The following CCSER1 variants were observed in gnomAD, a reference collection of about 807,000 sequenced individuals.
CCSER1 encodes the protein serine-rich coiled-coil domain-containing protein 1.
In CCSER1, 41 loss-of-function variants were observed where a neutral mutation model predicts 82.0. The observed-to-expected ratio is 0.50, with a 90% confidence interval of 0.39 to 0.65. The LOEUF is 0.65. CCSER1 is among the 30% of genes least tolerant of loss of function. The probability of loss-of-function intolerance (pLI) is 0.00; values close to 1 mark genes in which losing one functional copy is unlikely to be tolerated. For synonymous variants in CCSER1, 414 were observed against 383.9 expected (o/e 1.08, Z -0.92); for missense variants, 1,119 against 1,064.2 (o/e 1.05, Z -0.72).
At chr4:90,799,696 G>A (rs1399939134) in intron 7 of CCSER1, among the ~76,000 whole-genome samples, 2 of 152,132 alleles carry the variant, frequency 1.3e-5, no homozygotes, top group East Asian at 1.9e-4. Context: ...CATGACTAAC[G>A]TCTCCTATGG....
chr4:90,778,924 A>G (rs1165893440), intron 7 of CCSER1, among the ~76,000 whole-genome samples: 1 of 152,152 alleles, frequency 6.6e-6, no homozygotes, highest in Non-Finnish European at 1.5e-5. Context: ...TAAGGAGCAA[A>G]TCTATAATTC....
chr4:90,576,875 G>T (rs548150158), intron 5 of CCSER1, among the ~76,000 whole-genome samples: 68 of 152,196 alleles, frequency 4.5e-4, no homozygotes, highest in Admixed American at 1.1e-3. Context: ...CAACTTTGGG[G>T]TGGTAAATAC....
intron 5 of CCSER1, among the ~76,000 whole-genome samples, chr4:90,527,922 T>A (rs1773993559): frequency 1.3e-5 from 2 of 152,154 alleles, no homozygotes; most frequent in South Asian, 4.1e-4. Context: ...ATTCCCCATT[T>A]ATTTATTTAT....
At chr4:90,227,656 T>A (rs1441114224) in intron 1 of CCSER1, among the ~76,000 whole-genome samples, 5 of 152,186 alleles carry the variant, frequency 3.3e-5, no homozygotes, top group Non-Finnish European at 5.9e-5. Flanking sequence ...GGTCTACAGC[T>A]CCCAGCGTGA....
chr4:91,107,016 T>A (rs745350845), intron 10 of CCSER1, among the ~76,000 whole-genome samples: 41 of 152,202 alleles, frequency 2.7e-4, no homozygotes, highest in Admixed American at 1.3e-4. Context: ...GTATTTTTTT[T>A]ATCTTTGATA....
chr4:91,004,189 C>T (rs1359796582), intron 9 of CCSER1, among the ~76,000 whole-genome samples: 1 of 152,172 alleles, frequency 6.6e-6, no homozygotes, highest in African/African-American at 2.4e-5. Flanking sequence ...ATGTGAGTCT[C>T]TACACACTGC....
rs1324310077 is a variant in CCSER1 at position 90,361,172 on chromosome 4, C to T, written c.1510-38864C>T. On this transcript the variant is annotated intron_variant, in intron 3 of 10. Coordinates refer to ENST00000509176, the MANE Select transcript of CCSER1 (RefSeq NM_001145065.2). ...ATGATAGGCACTCTTTAAACATATACGATGGTTTCTATAGTAGTAGAGAAA... is the reference window on the plus strand; with the variant it reads ...ATGATAGGCACTCTTTAAACATATATGATGGTTTCTATAGTAGTAGAGAAA... Among the ~76,000 whole-genome samples the T allele has an allele frequency of 1.1e-4, 17 of 152,028 alleles. No homozygotes were observed. The South Asian group carries it at 3.3e-3, about 30-fold the overall frequency.
chr4:90,843,299 G>C (rs935853054), intron 8 of CCSER1, among the ~76,000 whole-genome samples: 1 of 152,082 alleles, frequency 6.6e-6, no homozygotes, highest in South Asian at 2.1e-4. Flanking sequence ...TCTGCATCCA[G>C]TAAATGTAAT....
chr4:90,622,891 A>G (rs1307767855), intron 5 of CCSER1, among the ~76,000 whole-genome samples: 1 of 152,072 alleles, frequency 6.6e-6, no homozygotes, highest in African/African-American at 2.4e-5. Context: ...CAACAGTGTA[A>G]AAGTGTCCCT....
At chr4:91,001,971 G>A (rs900766257) in intron 9 of CCSER1, among the ~76,000 whole-genome samples, 1 of 152,112 alleles carries the variant, frequency 6.6e-6, no homozygotes, top group Non-Finnish European at 1.5e-5. Flanking sequence ...GATTCTCAGA[G>A]CATTTGTCTG....
In CCSER1 at chr4:91,141,352, A is replaced by G. The variant is rs150194841; in HGVS notation, c.2217+55358A>G. 4.1e-3 allele frequency among the ~76,000 whole-genome samples: 619 copies of G among 152,204 alleles called. 3 individuals carry two copies. The highest frequency in any genetic ancestry group is 7.6e-3 in the Non-Finnish European group (520 of 67,996). ...TTTTTAATAGAGACTGGTTTTCACC[A>G]TGTTGGCCAGGGTGGTCTCGAACTC... is the stretch of plus-strand genomic sequence containing the variant. On this transcript the variant is annotated intron_variant, in intron 10 of 10. Coordinates refer to ENST00000509176, the MANE Select transcript of CCSER1 (RefSeq NM_001145065.2).
chr4:90,296,286 A>G (rs1274757204), intron 1 of CCSER1, among the ~76,000 whole-genome samples: 5 of 152,202 alleles, frequency 3.3e-5, no homozygotes, highest in African/African-American at 4.8e-5. Flanking sequence ...TATTTGTAAC[A>G]GACGGTTTTA....
intron 1 of CCSER1, among the ~76,000 whole-genome samples, chr4:90,177,027 C>G (rs1440370861): frequency 6.6e-6 from 1 of 151,980 alleles, no homozygotes; most frequent in African/African-American, 2.4e-5. Flanking sequence ...TGAATCAGAG[C>G]TAAAGTGACA....
intron 5 of CCSER1, among the ~76,000 whole-genome samples, chr4:90,577,269 T>TC (rs1780876249): frequency 6.6e-6 from 1 of 152,116 alleles, no homozygotes; most frequent in African/African-American, 2.4e-5. Flanking sequence ...GCGATTTTTT[T>TC]CCAATATTTA....
intron 7 of CCSER1, among the ~76,000 whole-genome samples, chr4:90,790,319 C>A (rs1278549604): frequency 6.6e-6 from 1 of 151,928 alleles, no homozygotes; most frequent in Non-Finnish European, 1.5e-5. Flanking sequence ...TATTGATATA[C>A]CATAGCCTTC....
intron 6 of CCSER1, among the ~76,000 whole-genome samples, chr4:90,692,033 GTGTATA>G (rs1174977397): frequency 3.3e-4 from 37 of 112,318 alleles, no homozygotes; most frequent in African/African-American, 1.2e-3. Flanking sequence ...AATTCAATGT[GTGTATA>G]TATATATATA....
intron 10 of CCSER1, among the ~76,000 whole-genome samples, chr4:91,222,410 A>T (rs117398416): frequency 6.6e-6 from 1 of 152,120 alleles, no homozygotes; most frequent in Non-Finnish European, 1.5e-5. Flanking sequence ...AGCTTTAAGT[A>T]AGAGAGGTAA....
chr4:90,620,947 G>T (rs78818748), intron 5 of CCSER1, among the ~76,000 whole-genome samples: 1,955 of 152,164 alleles, frequency 0.013, 50 homozygotes, highest in African/African-American at 0.045. Context: ...CTGAGTATCT[G>T]ACATTATGGT....
At chr4:90,450,128 C>A (rs1423710977) in intron 4 of CCSER1, among the ~76,000 whole-genome samples, 1 of 152,168 alleles carries the variant, frequency 6.6e-6, no homozygotes, top group East Asian at 1.9e-4. Context: ...ACAGCAGTCA[C>A]ATCTCTCTCA....
Sources: allele counts gnomAD v4.1 joint callset (sites outside exome capture counted in the v4.1 genomes callset), GRCh38; gene constraint gnomAD v4.1.1; transcripts MANE v1.5; gene names NCBI Gene and HGNC (gene_info 2026-07-23, HGNC 2026-07-21).